SH3RF3: variants seen among roughly 807,000 people sequenced by gnomAD.
The protein encoded by SH3RF3 is SH3 domain containing ring finger 3.
A neutral mutation model predicts 66.3 loss-of-function variants in SH3RF3; 29 were observed. The observed-to-expected ratio is 0.44, with a 90% CI of 0.33 to 0.60. The LOEUF (loss-of-function observed/expected upper bound fraction) is 0.60. Among genes scored for constraint, SH3RF3 ranks in the 20% least tolerant of loss-of-function variants. The pLI, the probability that SH3RF3 is intolerant of heterozygous loss-of-function variation, is 0.04. For missense variants in SH3RF3, 1,194 were observed against 1,190.9 expected (o/e 1.00, Z -0.04); for synonymous variants, 583 against 532.0 (o/e 1.10, Z -1.32).
intron 1 of SH3RF3, among the ~76,000 whole-genome samples, chr2:109,295,264 G>A (rs190226392): frequency 2.2e-4 from 34 of 152,326 alleles, no homozygotes; most frequent in African/African-American, 7.7e-4. Flanking sequence ...TTGGGCCTGC[G>A]GTGGCTCCAG....
intron 1 of SH3RF3, among the ~76,000 whole-genome samples, chr2:109,189,473 A>G (rs1011425014): frequency 1.3e-5 from 2 of 151,584 alleles, no homozygotes; most frequent in Admixed American, 6.6e-5. Flanking sequence ...GGTTCAAGCA[A>G]TTCTTTTGCC....
intron 1 of SH3RF3, among the ~76,000 whole-genome samples, chr2:109,154,629 C>T (rs1212616358): frequency 2.0e-5 from 3 of 152,224 alleles, no homozygotes; most frequent in African/African-American, 7.2e-5. Context: ...TTTGTCCTGG[C>T]TTCTGGCCTC....
intron 2 of SH3RF3, among the ~76,000 whole-genome samples, 164 bp from the exon 3 acceptor site, chr2:109,371,422 G>T (rs1161020022): frequency 2.6e-5 from 4 of 152,196 alleles, no homozygotes; most frequent in Non-Finnish European, 4.4e-5. Context: ...AAGAGAGGGT[G>T]CTCCTGGGTG....
intron 1 of SH3RF3, among the ~76,000 whole-genome samples, chr2:109,269,632 A>G (rs2105314779): frequency 6.6e-6 from 1 of 152,282 alleles, no homozygotes; most frequent in East Asian, 1.9e-4. Context: ...AATAAAAAAA[A>G]TAGCCGGACA....
At chr2:109,490,350 C>T (rs1170204442) in intron 8 of SH3RF3, among the ~76,000 whole-genome samples, 1 of 152,208 alleles carries the variant, frequency 6.6e-6, no homozygotes, top group Non-Finnish European at 1.5e-5. Flanking sequence ...TCTGCTTTAA[C>T]ACAGCCTGGT....
chr2:109,233,150 G>C (rs1165091657), intron 1 of SH3RF3, among the ~76,000 whole-genome samples: 1 of 152,192 alleles, frequency 6.6e-6, no homozygotes, highest in African/African-American at 2.4e-5. Flanking sequence ...TGGATGGCTA[G>C]GTGTTAACCA....
intron 3 of SH3RF3, among the ~76,000 whole-genome samples, chr2:109,377,294 G>A (rs1208764871): frequency 6.6e-6 from 1 of 152,206 alleles, no homozygotes; most frequent in African/African-American, 2.4e-5. Context: ...GGGAGATGCT[G>A]GAGCACGTGG....
chr2:109,330,624 A>G (rs997137688), intron 1 of SH3RF3, among the ~76,000 whole-genome samples: 3 of 152,148 alleles, frequency 2.0e-5, no homozygotes, highest in Non-Finnish European at 4.4e-5. Context: ...TGTGTGGTGG[A>G]TGGATGGAGG....
intron 4 of SH3RF3, among the ~76,000 whole-genome samples, chr2:109,399,254 A>G (rs4676288): frequency 0.54 from 82,509 of 151,956 alleles, 23,161 homozygotes; most frequent in African/African-American, 0.67. Context: ...GTCGGCTTCC[A>G]GATGTCTGAT....
chr2:109,198,523 C>T (rs1678561003), intron 1 of SH3RF3, among the ~76,000 whole-genome samples: 1 of 152,208 alleles, frequency 6.6e-6, no homozygotes. Flanking sequence ...GTGGCTTAAA[C>T]AGCAGACATC....
At chr2:109,425,435 A>G (rs1677000476) in intron 5 of SH3RF3, among the ~76,000 whole-genome samples, 1 of 152,230 alleles carries the variant, frequency 6.6e-6, no homozygotes, top group African/African-American at 2.4e-5. Flanking sequence ...TAGGACTTTC[A>G]TAGCTAGAGA....
chr2:109,504,258 GGC>G lies in SH3RF3; in HGVS notation c.*2588_*2589del, dbSNP rs1679472167. On this transcript the variant is annotated 3_prime_UTR_variant, in exon 10 of 10. Coordinates refer to ENST00000309415, the MANE Select transcript of SH3RF3 (RefSeq NM_001099289.3). ...GATGTACACATCTTAGCCATGTAGTGGCCTTGGGGGGCCACAGAGATTTCCTT... is the reference window on the plus strand; with the variant it reads ...GATGTACACATCTTAGCCATGTAGTGCTTGGGGGGCCACAGAGATTTCCTT... 6.6e-6 allele frequency: 1 copy of G among 152,216 alleles called. No individual in the cohort carries two copies. Among genetic ancestry groups the G allele is most frequent in the East Asian group, 1.9e-4 (1 of 5,188 alleles). 9.4% of individuals were successfully genotyped at this position (152,216 alleles called of 1,614,324 possible).
At chr2:109,375,067 G>A (rs1012599654) in intron 3 of SH3RF3, among the ~76,000 whole-genome samples, 9 of 152,152 alleles carry the variant, frequency 5.9e-5, no homozygotes, top group Admixed American at 2.6e-4. Flanking sequence ...CTGGACATAC[G>A]TACATTTCCC....
At chr2:109,455,822 G>A (rs1369672056) in intron 8 of SH3RF3, among the ~76,000 whole-genome samples, 1 of 152,188 alleles carries the variant, frequency 6.6e-6, no homozygotes, top group Non-Finnish European at 1.5e-5. Flanking sequence ...ATTCACTTCC[G>A]AAGTGACAGC....
intron 3 of SH3RF3, among the ~76,000 whole-genome samples, chr2:109,387,296 G>T (rs10164959): frequency 0.5 from 76,647 of 152,088 alleles, 19,794 homozygotes; most frequent in South Asian, 0.58. Context: ...CTCAGCGCCA[G>T]GGCCGGGGGA....
intron 1 of SH3RF3, among the ~76,000 whole-genome samples, chr2:109,296,946 G>A (rs553543657): frequency 1.3e-5 from 2 of 152,226 alleles, no homozygotes; most frequent in South Asian, 2.1e-4. Flanking sequence ...ACTAGGCCTG[G>A]GGACCTACCC....
chr2:109,368,207 T>A (rs1574601326), intron 2 of SH3RF3, among the ~76,000 whole-genome samples: 2 of 152,398 alleles, frequency 1.3e-5, no homozygotes, highest in South Asian at 4.1e-4. Context: ...TAAGCCTTTG[T>A]CTCTCATGTA....
chr2:109,413,170 A>G (rs1676639790), intron 4 of SH3RF3, among the ~76,000 whole-genome samples: 1 of 152,228 alleles, frequency 6.6e-6, no homozygotes, highest in South Asian at 2.1e-4. Context: ...GCTGGAGTGC[A>G]GTGGCGTGAT....
At position 109,382,421 on chromosome 2, in the gene SH3RF3, C is replaced by A. The variant is rs1049478368; in HGVS notation, c.945+10740C>A. 5.3e-5 allele frequency among the ~76,000 whole-genome samples: 8 copies of A among 152,242 alleles called. 1 individual carries two copies. Among genetic ancestry groups the A allele is most frequent in the Admixed American group, 5.2e-4 (8 of 15,304 alleles). On this transcript the variant is annotated intron_variant, in intron 3 of 9. Transcript: ENST00000309415. ...CCACCTGCGCCCAGCCCACTGGCCA[C>A]CCACCTCCCTCAGCAGCCCACCTCC...
Sources: allele counts gnomAD v4.1 joint callset (sites outside exome capture counted in the v4.1 genomes callset), GRCh38; gene constraint gnomAD v4.1.1; transcripts MANE v1.5; gene names NCBI Gene and HGNC (gene_info 2026-07-23, HGNC 2026-07-21).